The following PHF13 variants were observed in gnomAD, a reference collection of about 807,000 sequenced individuals.
PHF13 encodes the protein PHD finger protein 13.
A neutral mutation model predicts 25.8 loss-of-function variants in PHF13; 1 was observed. That is an observed-to-expected ratio of 0.04 (90% CI 0.01 to 0.18). The LOEUF is 0.18. Among genes scored for constraint, PHF13 ranks in the 10% least tolerant of loss-of-function variants. The pLI, the probability that PHF13 is intolerant of heterozygous loss-of-function variation, is 1.00. For missense variants in PHF13, 306 were observed against 403.2 expected (o/e 0.76, Z 2.06); for synonymous variants, 195 against 162.4 (o/e 1.20, Z -1.53).
In PHF13 at chr1:6,613,802, G is replaced by A; in HGVS notation, c.-265G>A. 3 of 208,348 alleles carry A rather than the reference G, an allele frequency of 1.4e-5. No individual in the cohort carries two copies. The highest frequency in any genetic ancestry group is 2.9e-5 in the Non-Finnish European group (3 of 103,832). The allele number at this position is 208,348 out of a possible 1,614,324, so 12.9% of individuals were successfully genotyped here. The stretch of plus-strand genomic sequence containing the variant: ...GCCGGTCGGGTTCCCGCTCACCGCC[G>A]CCGCCGCCGCCCCCTGCAGCCACTC... On this transcript the variant is annotated 5_prime_UTR_variant, in exon 1 of 4. Transcript: ENST00000377648.
At position 6,620,000 on chromosome 1, in the gene PHF13, G is replaced by C; in HGVS notation, c.339G>C (p.Thr113=). 6.2e-7 allele frequency: 1 copy of C among 1,613,714 alleles called. No individual in the cohort carries two copies. The highest frequency in any genetic ancestry group is 8.5e-7 in the Non-Finnish European group (1 of 1,179,984). Residue 113 remains threonine (T), a synonymous_variant, in exon 3 of 4, where the codon ACG becomes ACC. Transcript: ENST00000377648. ...PSNFLLDRKK[T]DKLKKKKKRK... The stretch of plus-strand genomic sequence containing the variant: ...ACTTCCTGCTGGACAGAAAGAAAAC[G>C]GACAAGCTGAAGAAGAAGAAGAAGA...
chr1:6,614,055 C>T lies in PHF13; in HGVS notation c.-12C>T. ...TGCACTCTCGCAGCCGCCGCCGCCCCCCGCCCGGAACATGGACTCTGACTC... is the reference window on the plus strand; with the variant it reads ...TGCACTCTCGCAGCCGCCGCCGCCCTCCGCCCGGAACATGGACTCTGACTC... On this transcript the variant is annotated 5_prime_UTR_variant, in exon 1 of 4. Coordinates refer to ENST00000377648, the MANE Select transcript of PHF13 (RefSeq NM_153812.3). 1 of 1,593,222 alleles carries T rather than the reference C, an allele frequency of 6.3e-7. No homozygotes were observed.
At chr1:6,617,743 A>G (rs895392758) in intron 2 of PHF13, among the ~76,000 whole-genome samples, 3 of 152,134 alleles carry the variant, frequency 2.0e-5, no homozygotes, top group African/African-American at 7.2e-5. Flanking sequence ...GCTTGCTTTT[A>G]ATAAGGGTCT....
In PHF13 at chr1:6,614,078, C is replaced by T. The variant is rs751070506; in HGVS notation, c.12C>T (p.Asp4=). Reference sequence around the variant, plus strand: ...CCCCCGCCCGGAACATGGACTCTGACTCTTGCGCCGCCGCCTTCCACCCGG... The same window carrying T: ...CCCCCGCCCGGAACATGGACTCTGATTCTTGCGCCGCCGCCTTCCACCCGG... MDS[D]SCAAAFHPEE... is the part of the protein sequence containing the mutation. Residue 4 remains aspartate, a synonymous_variant, in exon 1 of 4, where the codon GAC becomes GAT. Coordinates refer to ENST00000377648, the MANE Select transcript of PHF13 (RefSeq NM_153812.3). 3.1e-6 allele frequency: 5 copies of T among 1,598,564 alleles called. No homozygotes were observed. The highest frequency in any genetic ancestry group is 2.2e-5 in the South Asian group (2 of 89,936).
intron 1 of PHF13, chr1:6,614,404 C>T (rs1641221606): frequency 7.8e-6 from 3 of 384,808 alleles, no homozygotes; most frequent in Admixed American, 5.1e-5. Flanking sequence ...TCGCGTCGAC[C>T]TGGGACCTGT....
rs544385123 is a variant in PHF13, at chr1:6,621,558, A to G, written c.824A>G (p.Gln275Arg). ...AATGTTCCAGAAGTGTTTGTCTGCC[A>G]AAAGTGCCGGGACTCCAAGTTTGAC... is the stretch of plus-strand genomic sequence containing the variant. ...KSNVPEVFVC[Q>R]KCRDSKFDIR... The change falls in exon 4 of 4, where the codon CAA becomes CGA. Residue 275 changes from glutamine to arginine, a missense_variant. By Grantham distance (43) the Gln-to-Arg change is conservative. Coordinates refer to ENST00000377648, the MANE Select transcript of PHF13 (RefSeq NM_153812.3). This position sits in a 1 kb window ranked among gnomAD's most constrained non-coding sequence, Gnocchi z 4.8. The G allele has an allele frequency of 1.2e-6, 2 of 1,614,222 alleles. No individual in the cohort carries two copies. The highest frequency in any genetic ancestry group is 2.7e-5 in the African/African-American group (2 of 75,058).
In PHF13 at chr1:6,619,888, A is replaced by G; in HGVS notation, c.227A>G (p.Asp76Gly). ...GACGGCTGGGACGCGGGTTTCTCAG[A>G]CATCGCGTCCTCAGTGCCCTTGCCA... Reference protein sequence around the residue: ...DSDGWDAGFSDIASSVPLPVS... With the variant: ...DSDGWDAGFSGIASSVPLPVS... The change falls in exon 3 of 4, where the codon GAC becomes GGC. Residue 76 changes from aspartate to glycine, a missense_variant. Physicochemically the swap from Asp to Gly is moderately conservative, Grantham distance 94. Around this residue, in one of 5 missense-constraint regions of PHF13, gnomAD observed 186 missense variants for 164.0 expected, o/e 1.13. Transcript: ENST00000377648. 1.2e-6 allele frequency: 2 copies of G among 1,613,866 alleles called. No homozygotes were observed. The highest frequency in any genetic ancestry group is 8.5e-7 in the Non-Finnish European group (1 of 1,180,000).
chr1:6,619,747 G>C, intron 2 of PHF13, 56 bp from the exon 3 acceptor site: 1 of 1,532,880 alleles, frequency 6.5e-7, no homozygotes, highest in Non-Finnish European at 8.8e-7. Context: ...GGGATGCTCT[G>C]CTCTGGGCTG....
intron 1 of PHF13, 56 bp downstream of exon 1, chr1:6,614,161 G>A (rs1294224312): frequency 1.3e-6 from 2 of 1,520,678 alleles, no homozygotes; most frequent in Middle Eastern, 1.8e-4. Flanking sequence ...CGATCCTGCC[G>A]TCCTCAGGCA....
Position 6,621,679 on chromosome 1 carries a change from G to C in PHF13, c.*42G>C, listed in dbSNP as rs200650708. 6.3e-7 allele frequency: 1 copy of C among 1,595,700 alleles called. No homozygotes were observed. Among genetic ancestry groups the C allele is most frequent in the Non-Finnish European group, 8.6e-7 (1 of 1,165,138 alleles). ...AGGCTGCGAGCGTGGAATCGGAAGC[G>C]ACCGCGGGCTTTTTTGCCCTTCTCT... On this transcript the variant is annotated 3_prime_UTR_variant, in exon 4 of 4. Coordinates refer to ENST00000377648, the MANE Select transcript of PHF13 (RefSeq NM_153812.3). The surrounding 1 kb of genome is among the most constrained non-coding windows in gnomAD (Gnocchi z 4.8).
intron 1 of PHF13, among the ~76,000 whole-genome samples, chr1:6,614,908 G>T (rs1427462414): frequency 2.0e-5 from 3 of 151,090 alleles, no homozygotes; most frequent in South Asian, 4.2e-4. Flanking sequence ...GCGGGCGGGT[G>T]GGGGAGGGGA....
intron 1 of PHF13, chr1:6,614,458 C>T: frequency 4.1e-6 from 1 of 241,716 alleles, no homozygotes; most frequent in East Asian, 1.1e-4. Context: ...ACTCTTTCCC[C>T]GCCCCCGGGG....
rs1313875555 is a variant in PHF13 at position 6,613,826 on chromosome 1, T to C, written c.-241T>C. On this transcript the variant is annotated 5_prime_UTR_variant, in exon 1 of 4. Transcript: ENST00000377648. ...CGCCGCCGCCGCCCCCTGCAGCCAC[T>C]CTCCCGCCTCTACCGCCGCGGGAGC... 9.5e-6 allele frequency: 2 copies of C among 210,908 alleles called. No homozygotes were observed. Among genetic ancestry groups the C allele is most frequent in the South Asian group, 6.1e-5 (1 of 16,292 alleles). 13.1% of individuals were successfully genotyped at this position (210,908 alleles called of 1,614,324 possible).
chr1:6,614,253 G>A, intron 1 of PHF13, 148 bp downstream of exon 1: 2 of 487,252 alleles, frequency 4.1e-6, no homozygotes, highest in Non-Finnish European at 6.7e-6. Flanking sequence ...CCCAACCCCC[G>A]CCCCCTGCTC....
intron 1 of PHF13, among the ~76,000 whole-genome samples, chr1:6,615,607 G>C (rs1197732527): frequency 1.3e-5 from 2 of 152,230 alleles, no homozygotes; most frequent in Admixed American, 6.5e-5. Context: ...AGCACCTCGG[G>C]AAGGATGGGG....
intron 2 of PHF13, 149 bp downstream of exon 2, chr1:6,617,007 C>G: frequency 3.2e-6 from 2 of 624,578 alleles, no homozygotes; most frequent in South Asian, 1.9e-5. Flanking sequence ...TGGCAGAAAT[C>G]TGTTTCTTGA....
chr1:6,615,926 C>T (rs1426101495), intron 1 of PHF13, among the ~76,000 whole-genome samples: 1 of 151,760 alleles, frequency 6.6e-6, no homozygotes, highest in African/African-American at 2.4e-5. Flanking sequence ...ACCCTCTGAG[C>T]ACGAGAGAGG....
chr1:6,617,854 C>CG (rs1354882649), intron 2 of PHF13, among the ~76,000 whole-genome samples: 1 of 152,200 alleles, frequency 6.6e-6, no homozygotes, highest in Non-Finnish European at 1.5e-5. Context: ...GCTGAGGAAA[C>CG]TAAGGCATAG....
chr1:6,622,229 T>G lies in PHF13; in HGVS notation c.*592T>G, dbSNP rs2148711206. 1 of 161,526 alleles carries G rather than the reference T, an allele frequency of 6.2e-6. No homozygotes were observed. Among genetic ancestry groups the G allele is most frequent in the East Asian group, 1.8e-4 (1 of 5,714 alleles). 10.0% of individuals were successfully genotyped at this position (161,526 alleles called of 1,614,324 possible). ...CCTGGAAGGGCGCTGGGCTGGCGGG[T>G]CAGCTGGTGGTTCTTAGGTTTCCTT... On this transcript the variant is annotated 3_prime_UTR_variant, in exon 4 of 4. Transcript: ENST00000377648.
Sources: allele counts gnomAD v4.1 joint callset (sites outside exome capture counted in the v4.1 genomes callset), GRCh38; gene constraint gnomAD v4.1.1; regional missense constraint gnomAD v4.1.1; non-coding constraint Gnocchi (gnomAD v3.1); transcripts MANE v1.5; gene names NCBI Gene and HGNC (gene_info 2026-07-23, HGNC 2026-07-21).